SEZ6L: variants seen among roughly 807,000 people sequenced by gnomAD.
SEZ6L encodes seizure 6-like protein.
Under a neutral mutation model 106.2 loss-of-function variants are expected in SEZ6L, and 37 were observed. That is an observed-to-expected ratio of 0.35 (90% CI 0.27 to 0.46). The LOEUF (loss-of-function observed/expected upper bound fraction) is 0.46. SEZ6L is among the 20% of genes least tolerant of loss of function. The pLI is 1.00. For missense variants in SEZ6L, 1,172 were observed against 1,332.8 expected (o/e 0.88, Z 1.88); for synonymous variants, 541 against 570.4 (o/e 0.95, Z 0.73).
intron 1 of SEZ6L, among the ~76,000 whole-genome samples, chr22:26,285,289 T>A (rs2080901134): frequency 6.6e-6 from 1 of 152,224 alleles, no homozygotes; most frequent in Non-Finnish European, 1.5e-5. Flanking sequence ...GAAGTGATGA[T>A]CAAATGTGCC....
Position 26,235,850 on chromosome 22 carries a change from G to A in SEZ6L, c.95-56556G>A, listed in dbSNP as rs550409104. On this transcript the variant is annotated intron_variant, in intron 1 of 16. Coordinates refer to ENST00000248933, the MANE Select transcript of SEZ6L (RefSeq NM_021115.5). ...TCCGGAGGGCCATGGGGAAGCCATCGGAGAATTCCAAGCGGAAAAAGAAGG... is the reference window on the plus strand; with the variant it reads ...TCCGGAGGGCCATGGGGAAGCCATCAGAGAATTCCAAGCGGAAAAAGAAGG... 5.3e-5 allele frequency among the ~76,000 whole-genome samples: 8 copies of A among 152,298 alleles called. No homozygotes were observed. The East Asian group carries it at 7.7e-4, about 15-fold the overall frequency.
At chr22:26,207,935 A>G (rs1231131482) in intron 1 of SEZ6L, among the ~76,000 whole-genome samples, 6 of 140,982 alleles carry the variant, frequency 4.3e-5, no homozygotes, top group African/African-American at 1.4e-4. Context: ...TTTGAGACGG[A>G]GTCTCGCTCT....
intron 1 of SEZ6L, among the ~76,000 whole-genome samples, chr22:26,221,222 T>G (rs2078460509): frequency 6.6e-6 from 1 of 152,086 alleles, no homozygotes; most frequent in African/African-American, 2.4e-5. Context: ...AAACTGCAGT[T>G]AAATCTTACC....
intron 1 of SEZ6L, among the ~76,000 whole-genome samples, chr22:26,191,609 A>T (rs895464838): frequency 2.0e-5 from 3 of 152,018 alleles, no homozygotes; most frequent in African/African-American, 4.8e-5. Flanking sequence ...GGGAGGAGGG[A>T]GAGCATCAGG....
At chr22:26,347,670 GACA>G (rs764851401) in intron 10 of SEZ6L, 46 bp from the exon 11 acceptor site, 18 of 1,508,720 alleles carry the variant, frequency 1.2e-5, no homozygotes, top group African/African-American at 2.9e-5. Flanking sequence ...AGGAGGCCCC[GACA>G]ACAAGACTGC....
chr22:26,174,177 C>G (rs533755626), intron 1 of SEZ6L, among the ~76,000 whole-genome samples: 3 of 152,226 alleles, frequency 2.0e-5, no homozygotes, highest in Non-Finnish European at 2.9e-5. Flanking sequence ...TGGGACCTCA[C>G]GTGGATGTGT....
intron 9 of SEZ6L, among the ~76,000 whole-genome samples, chr22:26,318,309 A>T (rs1313437528): frequency 1.3e-5 from 2 of 151,840 alleles, no homozygotes; most frequent in East Asian, 3.9e-4. Context: ...CTTGACCTCA[A>T]GTGATCTGCC....
intron 16 of SEZ6L, among the ~76,000 whole-genome samples, chr22:26,379,048 C>G (rs1601665752): frequency 6.6e-6 from 1 of 152,216 alleles, no homozygotes; most frequent in African/African-American, 2.4e-5. Context: ...AGCAACTGGG[C>G]TGCAGTCTCA....
chr22:26,180,098 A>C (rs570284833), intron 1 of SEZ6L, among the ~76,000 whole-genome samples: 2 of 152,174 alleles, frequency 1.3e-5, no homozygotes, highest in East Asian at 1.9e-4. Flanking sequence ...TTGGTTCTTC[A>C]TACTTAATCC....
chr22:26,365,036 T>C (rs2083759885), intron 12 of SEZ6L: 2 of 189,748 alleles, frequency 1.1e-5, no homozygotes, highest in South Asian at 3.3e-4. Flanking sequence ...TCCTAGGAGA[T>C]AGATATTACT....
chr22:26,221,738 G>C (rs1320911789), intron 1 of SEZ6L, among the ~76,000 whole-genome samples: 1 of 116,656 alleles, frequency 8.6e-6, no homozygotes, highest in African/African-American at 3.3e-5. Context: ...GTGCACACGC[G>C]TGCACACACA....
chr22:26,268,087 A>C (rs137179), intron 1 of SEZ6L, among the ~76,000 whole-genome samples: 77,522 of 152,134 alleles, frequency 0.51, 21,181 homozygotes, highest in African/African-American at 0.63. Flanking sequence ...TGTGGCAAAT[A>C]GCCCAGGCCA....
intron 1 of SEZ6L, among the ~76,000 whole-genome samples, chr22:26,215,491 G>A (rs924700389): frequency 3.9e-5 from 6 of 152,086 alleles, no homozygotes. Context: ...ACCAAAATGG[G>A]AGAGGCGATT....
chr22:26,173,298 A>G (rs531273446), intron 1 of SEZ6L, among the ~76,000 whole-genome samples: 47 of 152,242 alleles, frequency 3.1e-4, no homozygotes, highest in Non-Finnish European at 6.5e-4. Context: ...ATTGGCATGA[A>G]GCAGATGTTG....
rs759800987 is a variant in SEZ6L, at chr22:26,365,567, G to A, written c.2794+1G>A. The A allele has an allele frequency of 1.2e-6, 2 of 1,611,136 alleles. No individual in the cohort carries two copies. Among genetic ancestry groups the A allele is most frequent in the Admixed American group, 1.7e-5 (1 of 59,970 alleles). On this transcript the variant is annotated splice_donor_variant, in intron 13 of 16. Coordinates refer to ENST00000248933, the MANE Select transcript of SEZ6L (RefSeq NM_021115.5). LOFTEE classifies it high-confidence loss of function. ...AACGGGCCCCTGCCCGTGTGTAAAG[G>A]TAAAGAAACCTACTCACCACACAGG...
At chr22:26,251,357 C>T (rs1207383) in intron 1 of SEZ6L, among the ~76,000 whole-genome samples, 32,353 of 145,304 alleles carry the variant, frequency 0.22, 4,047 homozygotes, top group South Asian at 0.33. Flanking sequence ...TTTTTTTTAT[C>T]ATGAATGGAT....
chr22:26,226,324 C>T (rs994054174), intron 1 of SEZ6L, among the ~76,000 whole-genome samples: 1 of 152,208 alleles, frequency 6.6e-6, no homozygotes, highest in African/African-American at 2.4e-5. Context: ...TGGTTCCTTG[C>T]CCACCTCTCA....
At chr22:26,298,927 G>C (rs2081373820) in intron 4 of SEZ6L, 57 bp from the exon 5 acceptor site, 2 of 1,482,034 alleles carry the variant, frequency 1.3e-6, no homozygotes, top group Non-Finnish European at 1.8e-6. Context: ...ATGTGGGTCA[G>C]GTTCTTGATC....
chr22:26,191,340 G>A (rs1940191025), intron 1 of SEZ6L, among the ~76,000 whole-genome samples: 1 of 152,114 alleles, frequency 6.6e-6, no homozygotes, highest in Admixed American at 6.6e-5. Context: ...CAACCTAAAT[G>A]CCCATCAGTG....
Sources: allele counts gnomAD v4.1 joint callset (sites outside exome capture counted in the v4.1 genomes callset), GRCh38; gene constraint gnomAD v4.1.1; transcripts MANE v1.5; gene names NCBI Gene and HGNC (gene_info 2026-07-23, HGNC 2026-07-21).